The following MGAT5 variants were observed in gnomAD, a reference collection of about 807,000 sequenced individuals.
MGAT5 encodes the protein alpha-1,6-mannosylglycoprotein 6-beta-N-acetylglucosaminyltransferase A.
MGAT5 carries 30 observed loss-of-function variants against 94.3 expected under a neutral mutation model. The ratio of observed to expected loss-of-function variants is 0.32; its 90% confidence interval spans 0.24 to 0.43. The LOEUF is 0.43. MGAT5 is among the 20% of genes least tolerant of loss of function. MGAT5 has a pLI of 1.00. For missense variants in MGAT5, 691 were observed against 905.5 expected, an observed-to-expected ratio of 0.76 and a Z score of 3.04; for synonymous variants, 310 against 322.9, an observed-to-expected ratio of 0.96 and a Z score of 0.43.
intron 10 of MGAT5, among the ~76,000 whole-genome samples, chr2:134,378,147 A>G (rs1457841239): frequency 6.6e-6 from 1 of 152,204 alleles, no homozygotes; most frequent in East Asian, 1.9e-4. Flanking sequence ...AGCTGGCACT[A>G]AAGTGTTGTC....
intron 2 of MGAT5, among the ~76,000 whole-genome samples, chr2:134,295,068 C>G (rs560377039): frequency 6.6e-6 from 1 of 152,264 alleles, no homozygotes; most frequent in African/African-American, 2.4e-5. Context: ...TAAAAATGGC[C>G]TTGCTAAGGA....
At chr2:134,267,828 C>T (rs1215455734) in intron 1 of MGAT5, among the ~76,000 whole-genome samples, 3 of 152,186 alleles carry the variant, frequency 2.0e-5, no homozygotes, top group South Asian at 2.1e-4. Context: ...TGTAGCAGTC[C>T]CTCCAGTGAA....
intron 10 of MGAT5, among the ~76,000 whole-genome samples, chr2:134,370,782 G>C (rs558941261): frequency 6.6e-6 from 1 of 152,356 alleles, no homozygotes; most frequent in South Asian, 2.1e-4. Flanking sequence ...AAATGCAAAG[G>C]GAAACATCAG....
At chr2:134,144,913 C>T (rs953744455) in intron 1 of MGAT5, among the ~76,000 whole-genome samples, 1 of 152,184 alleles carries the variant, frequency 6.6e-6, no homozygotes, top group African/African-American at 2.4e-5. Flanking sequence ...CAAGGGGTCT[C>T]CTCCAATACG....
chr2:134,263,293 T>C (rs1683458170), intron 1 of MGAT5, among the ~76,000 whole-genome samples: 1 of 152,250 alleles, frequency 6.6e-6, no homozygotes, highest in African/African-American at 2.4e-5. Flanking sequence ...TCAGGTTCCA[T>C]AAAGCACTTA....
intron 10 of MGAT5, among the ~76,000 whole-genome samples, chr2:134,401,058 C>T (rs1186156615): frequency 6.6e-6 from 1 of 151,764 alleles, no homozygotes; most frequent in Non-Finnish European, 1.5e-5. Context: ...TCTCTTCTCT[C>T]CCCTTCCTTC....
At chr2:134,345,802 A>C (rs1027610643) in intron 8 of MGAT5, among the ~76,000 whole-genome samples, 3 of 152,202 alleles carry the variant, frequency 2.0e-5, no homozygotes, top group Non-Finnish European at 4.4e-5. Flanking sequence ...ATGTGAGAGT[A>C]GCTGTGAGTC....
At chr2:134,154,216 G>A (rs1687369649) in intron 1 of MGAT5, among the ~76,000 whole-genome samples, 1 of 152,180 alleles carries the variant, frequency 6.6e-6, no homozygotes, top group African/African-American at 2.4e-5. Flanking sequence ...CGGATGGCAC[G>A]CAGGAAAGAG....
chr2:134,255,708 T>C (rs754570122), intron 1 of MGAT5, among the ~76,000 whole-genome samples: 21 of 152,070 alleles, frequency 1.4e-4, no homozygotes, highest in Non-Finnish European at 2.8e-4. Context: ...TCCCTGATAG[T>C]ATAGATGAGA....
At chr2:134,130,189 C>T (rs989113953) in intron 1 of MGAT5, among the ~76,000 whole-genome samples, 3 of 151,908 alleles carry the variant, frequency 2.0e-5, no homozygotes, top group African/African-American at 4.8e-5. Flanking sequence ...TGCAGCCCGC[C>T]ATGCTGGAGC....
At chr2:134,436,334 T>C (rs998861158) in intron 14 of MGAT5, among the ~76,000 whole-genome samples, 2 of 152,158 alleles carry the variant, frequency 1.3e-5, no homozygotes, top group African/African-American at 4.8e-5. Flanking sequence ...GGCAGCAAGC[T>C]TTGAGAAGTT....
At chr2:134,179,910 C>T (rs1386686218) in intron 1 of MGAT5, among the ~76,000 whole-genome samples, 1 of 152,138 alleles carries the variant, frequency 6.6e-6, no homozygotes, top group Non-Finnish European at 1.5e-5. Context: ...AAGAAGCTGG[C>T]CAAATCCCAC....
chr2:134,419,530 G>C (rs1684182520), intron 12 of MGAT5, among the ~76,000 whole-genome samples: 2 of 148,718 alleles, frequency 1.3e-5, no homozygotes, highest in South Asian at 4.3e-4. Flanking sequence ...AGATTTAATA[G>C]CCACTCTGAA....
intron 1 of MGAT5, among the ~76,000 whole-genome samples, chr2:134,260,691 TTTTTC>T (rs1683269997): frequency 7.0e-6 from 1 of 142,800 alleles, no homozygotes; most frequent in Non-Finnish European, 1.5e-5. Context: ...AATGGTTTCT[TTTTTC>T]TTTTTCTTTT....
intron 1 of MGAT5, among the ~76,000 whole-genome samples, chr2:134,256,405 C>T (rs895869852): frequency 6.6e-6 from 1 of 151,506 alleles, no homozygotes. Flanking sequence ...GAAAGAGTTA[C>T]AGCTCAGTGG....
intron 1 of MGAT5, among the ~76,000 whole-genome samples, chr2:134,200,027 T>C (rs151287808): frequency 2.3e-3 from 348 of 152,332 alleles, no homozygotes; most frequent in African/African-American, 8.2e-3. Context: ...AGAATTTTTC[T>C]CTGTCTCAGG....
At chr2:134,149,337 T>A (rs1382680830) in intron 1 of MGAT5, among the ~76,000 whole-genome samples, 1 of 152,168 alleles carries the variant, frequency 6.6e-6, no homozygotes, top group Non-Finnish European at 1.5e-5. Flanking sequence ...ATGTGGATTC[T>A]ACTCCCCAGA....
chr2:134,411,722 G>A (rs1211137201), intron 11 of MGAT5, among the ~76,000 whole-genome samples: 1 of 152,184 alleles, frequency 6.6e-6, no homozygotes, highest in African/African-American at 2.4e-5. Flanking sequence ...GCTAAGAGAG[G>A]AAAGCTGGTG....
At chr2:134,153,347 C>T (rs1031855713) in intron 1 of MGAT5, among the ~76,000 whole-genome samples, 1 of 152,134 alleles carries the variant, frequency 6.6e-6, no homozygotes, top group Admixed American at 6.5e-5. Context: ...GACCCTTGGT[C>T]TTCTTTCTTT....
Sources: gnomAD v4.1 joint callset for allele counts (sites outside exome capture counted in the v4.1 genomes callset) on GRCh38, gnomAD v4.1.1 for gene constraint, MANE v1.5 for transcripts, NCBI Gene and HGNC (gene_info 2026-07-23, HGNC 2026-07-21) for gene names.